Variants in MYO10 observed in about 807,000 individuals in gnomAD.
MYO10 encodes the protein unconventional myosin-X.
Under a neutral mutation model 257.3 loss-of-function variants are expected in MYO10, and 133 were observed. The ratio of observed to expected loss-of-function variants is 0.52; its 90% CI spans 0.45 to 0.60. MYO10 has a LOEUF of 0.60. Ranked by LOEUF, MYO10 falls within the 20% of genes least tolerant of loss-of-function variation. The pLI is 0.00. For synonymous variants in MYO10, 1,104 were observed against 1,028.6 expected, an observed-to-expected ratio of 1.07 and a Z score of -1.40; for missense variants, 2,399 against 2,635.7, an observed-to-expected ratio of 0.91 and a Z score of 1.97.
At chr5:16,762,368 T>C (rs1171436021) in intron 15 of MYO10, among the ~76,000 whole-genome samples, 177 bp downstream of exon 15, 2 of 152,210 alleles carry the variant, frequency 1.3e-5, no homozygotes, top group African/African-American at 4.8e-5. Context: ...TAGCTCCAAA[T>C]CTAACCCTTT....
chr5:16,672,310 T>A (rs879854555), intron 37 of MYO10, among the ~76,000 whole-genome samples: 46 of 77,828 alleles, frequency 5.9e-4, no homozygotes, highest in Non-Finnish European at 6.3e-4. Context: ...AAAAAAAAAG[T>A]AGGTCCATTT....
At chr5:16,756,644 G>A (rs930125412) in intron 18 of MYO10, among the ~76,000 whole-genome samples, 12 of 152,094 alleles carry the variant, frequency 7.9e-5, no homozygotes, top group Non-Finnish European at 1.8e-4. Flanking sequence ...ATTCTCACGA[G>A]GTGTCCTGTC....
At chr5:16,775,435 T>C (rs907657346) in intron 9 of MYO10, among the ~76,000 whole-genome samples, 1 of 152,138 alleles carries the variant, frequency 6.6e-6, no homozygotes, top group Non-Finnish European at 1.5e-5. Context: ...AAGAATCATG[T>C]TTTTTGTTTT....
chr5:16,819,432 C>T (rs2126706163), intron 2 of MYO10, among the ~76,000 whole-genome samples: 1 of 152,276 alleles, frequency 6.6e-6, no homozygotes, highest in Non-Finnish European at 1.5e-5. Flanking sequence ...GCTTTACAAA[C>T]TCAAGCAATA....
At chr5:16,781,478 C>T (rs1741421864) in intron 6 of MYO10, among the ~76,000 whole-genome samples, 1 of 152,142 alleles carries the variant, frequency 6.6e-6, no homozygotes, top group Non-Finnish European at 1.5e-5. Flanking sequence ...AAGCAATCCT[C>T]CTGCCTCAGC....
intron 2 of MYO10, among the ~76,000 whole-genome samples, chr5:16,861,773 G>A (rs993916650): frequency 9.2e-5 from 14 of 152,130 alleles, no homozygotes; most frequent in African/African-American, 1.7e-4. Context: ...GTCTCACTCC[G>A]TCTTGGAGAA....
At chr5:16,673,456 T>C (rs565808691) in intron 36 of MYO10, among the ~76,000 whole-genome samples, 4 of 152,172 alleles carry the variant, frequency 2.6e-5, no homozygotes, top group Non-Finnish European at 5.9e-5. Flanking sequence ...TTAGCAAGAT[T>C]ATGTCTCAGG....
intron 22 of MYO10, 104 bp from the exon 23 acceptor site, chr5:16,703,262 T>C: frequency 2.4e-6 from 2 of 831,504 alleles, no homozygotes; most frequent in Middle Eastern, 3.1e-4. Flanking sequence ...GACCCAGTTT[T>C]AGAATGAGAC....
At position 16,702,572 on chromosome 5, in the gene MYO10, GCTCTCT is replaced by G; in HGVS notation, c.2521_2526del (p.Glu842_Arg843del). 1 of 1,586,824 alleles carries G rather than the reference GCTCTCT, an allele frequency of 6.3e-7. No individual in the cohort carries two copies. The highest frequency in any genetic ancestry group is 8.6e-7 in the Non-Finnish European group (1 of 1,165,820). ...TGGGCGCGGAGCTCGGCTTCTCTTC[GCTCTCT>G]CTCTCTTTCTCTAAAAATAGTAAAG... On this transcript the variant is annotated inframe_deletion, in exon 24 of 41. Transcript: ENST00000513610.
At chr5:16,742,355 G>A (rs1560960006) in intron 19 of MYO10, 2 of 653,142 alleles carry the variant, frequency 3.1e-6, no homozygotes, top group African/African-American at 3.9e-5. Context: ...GTTTTGTTTA[G>A]GGAGAAGAAT....
At chr5:16,722,748 A>C (rs1482077935) in intron 19 of MYO10, among the ~76,000 whole-genome samples, 1 of 152,250 alleles carries the variant, frequency 6.6e-6, no homozygotes, top group Non-Finnish European at 1.5e-5. Flanking sequence ...AGATGATAAC[A>C]TAGGAAATAA....
intron 3 of MYO10, among the ~76,000 whole-genome samples, chr5:16,796,403 AAAAGAAAGG>A (rs200491161): frequency 2.0e-5 from 3 of 148,138 alleles, no homozygotes; most frequent in African/African-American, 7.7e-5. Context: ...ACACAAAAGA[AAAAGAAAGG>A]AAAGAAAGGA....
chr5:16,813,622 C>G (rs1182837278), intron 3 of MYO10, among the ~76,000 whole-genome samples: 1 of 151,820 alleles, frequency 6.6e-6, no homozygotes, highest in Non-Finnish European at 1.5e-5. Context: ...TGGCTCCTCC[C>G]GCAAAGACAT....
rs1267557987 is a variant in MYO10, at chr5:16,877,648, A to G, written c.81T>C (p.Cys27=). ...GQHFPSTVNS[C]AEGIVVFRTD... ...TCCGGAAGACGACGATGCCTTCTGC[A>G]CAGGAATTTACAGTACTTGGAAAAT... Residue 27 remains cysteine, a synonymous_variant, in exon 2 of 41, where the codon TGT becomes TGC. Coordinates refer to ENST00000513610, the MANE Select transcript of MYO10 (RefSeq NM_012334.3). 3.7e-6 allele frequency: 6 copies of G among 1,613,924 alleles called. No individual in the cohort carries two copies. The highest frequency in any genetic ancestry group is 1.7e-5 in the Admixed American group (1 of 60,014).
intron 4 of MYO10, among the ~76,000 whole-genome samples, chr5:16,787,520 C>G (rs138841000): frequency 1.0e-4 from 15 of 150,598 alleles, no homozygotes; most frequent in African/African-American, 3.7e-4. Flanking sequence ...TGCCTTGTGC[C>G]AGCAGGCCAG....
chr5:16,933,772 TCTGA>T (rs1409658176), intron 1 of MYO10, among the ~76,000 whole-genome samples: 2 of 152,242 alleles, frequency 1.3e-5, no homozygotes, highest in African/African-American at 2.4e-5. Context: ...ATTTAACCTC[TCTGA>T]CTGGCCCTGC....
intron 1 of MYO10, among the ~76,000 whole-genome samples, chr5:16,922,625 G>C (rs1431776293): frequency 6.6e-6 from 1 of 152,174 alleles, no homozygotes; most frequent in African/African-American, 2.4e-5. Context: ...CAGGTCCATG[G>C]TCACCGTCTT....
At chr5:16,779,511 A>ATCT (rs748071374) in intron 9 of MYO10, 34 bp downstream of exon 9, 26 of 1,295,350 alleles carry the variant, frequency 2.0e-5, no homozygotes, top group Non-Finnish European at 2.4e-5. Flanking sequence ...GGTATCTGAT[A>ATCT]TCTTAATAGG....
chr5:16,764,713 G>A (rs952160911), intron 11 of MYO10, among the ~76,000 whole-genome samples: 4 of 152,152 alleles, frequency 2.6e-5, no homozygotes, highest in Non-Finnish European at 5.9e-5. Context: ...TTTTGAGACG[G>A]AGTCTAGCTC....
Sources: gnomAD v4.1 joint callset for allele counts (sites outside exome capture counted in the v4.1 genomes callset) on GRCh38, gnomAD v4.1.1 for gene constraint, MANE v1.5 for transcripts, NCBI Gene and HGNC (gene_info 2026-07-23, HGNC 2026-07-21) for gene names.